Variants in SPAG16 observed in about 807,000 individuals in gnomAD.
SPAG16 encodes the protein sperm associated antigen 16, also known as sperm-associated antigen 16 protein.
SPAG16 carries 86 observed loss-of-function variants against 80.4 expected under a neutral mutation model. The ratio of observed to expected loss-of-function variants is 1.07; its 90% confidence interval spans 0.90 to 1.28. SPAG16 has a LOEUF of 1.28. SPAG16 is among the 50% of genes most tolerant of loss of function. SPAG16 has a pLI of 0.00. For synonymous variants in SPAG16, 294 were observed against 265.9 expected, an observed-to-expected ratio of 1.11 and a Z score of -1.03; for missense variants, 870 against 765.3, an observed-to-expected ratio of 1.14 and a Z score of -1.61.
chr2:214,117,642 A>G (rs1169239469), intron 14 of SPAG16, among the ~76,000 whole-genome samples: 1 of 152,222 alleles, frequency 6.6e-6, no homozygotes, highest in Non-Finnish European at 1.5e-5. Context: ...CAGCACATCG[A>G]AAAGATCATT....
At chr2:213,566,620 C>A (rs1432371196) in intron 10 of SPAG16, among the ~76,000 whole-genome samples, 1 of 152,178 alleles carries the variant, frequency 6.6e-6, no homozygotes, top group Non-Finnish European at 1.5e-5. Context: ...GCTCACTGTG[C>A]AACATCTGGT....
At chr2:213,514,013 G>A (rs148222477) in intron 10 of SPAG16, among the ~76,000 whole-genome samples, 135 of 152,156 alleles carry the variant, frequency 8.9e-4, no homozygotes, top group Admixed American at 1.6e-3. Context: ...AGGAAGGAGC[G>A]GTAAATAGAT....
intron 9 of SPAG16, among the ~76,000 whole-genome samples, chr2:213,409,366 A>G (rs1013295803): frequency 6.6e-6 from 1 of 152,180 alleles, no homozygotes; most frequent in Non-Finnish European, 1.5e-5. Context: ...AAGAATGTGG[A>G]TTTTTACCTA....
intron 10 of SPAG16, among the ~76,000 whole-genome samples, chr2:213,514,149 G>T (rs2075335909): frequency 6.6e-6 from 1 of 152,128 alleles, no homozygotes; most frequent in Admixed American, 6.5e-5. Flanking sequence ...GCTAATTTTA[G>T]AAATTAGATG....
intron 15 of SPAG16, among the ~76,000 whole-genome samples, chr2:214,339,683 A>G (rs1209045372): frequency 1.3e-5 from 2 of 152,218 alleles, no homozygotes; most frequent in Admixed American, 6.5e-5. Context: ...TAAACTTCTC[A>G]ATATAAATTT....
intron 15 of SPAG16, among the ~76,000 whole-genome samples, chr2:214,334,799 A>G (rs1010769699): frequency 1.8e-4 from 28 of 152,316 alleles, no homozygotes; most frequent in African/African-American, 6.5e-4. Context: ...ACAATTGCAA[A>G]GCTTCAACAT....
rs561406047 is a variant in SPAG16, at chr2:213,288,151, C to T, written c.136+3532C>T. On this transcript the variant is annotated intron_variant, in intron 1 of 15. Transcript: ENST00000331683. Reference sequence around the variant, plus strand: ...CAGATTGGTCTCGAACTCCTGTGCTCAAGGCATCCTACTGCCTTGGCCTCC... The same window carrying T: ...CAGATTGGTCTCGAACTCCTGTGCTTAAGGCATCCTACTGCCTTGGCCTCC... Among the ~76,000 whole-genome samples, 359 of 152,222 alleles carry T rather than the reference C, an allele frequency of 2.4e-3. 1 individual carries two copies. In the South Asian group the frequency reaches 0.026, roughly 11 times the overall value.
intron 10 of SPAG16, among the ~76,000 whole-genome samples, chr2:213,764,793 T>G (rs1420083930): frequency 1.3e-5 from 2 of 152,210 alleles, no homozygotes; most frequent in Non-Finnish European, 2.9e-5. Flanking sequence ...ATATGAAGTA[T>G]GTAATATATT....
chr2:214,139,830 C>T (rs1177062956), intron 14 of SPAG16, among the ~76,000 whole-genome samples: 3 of 152,136 alleles, frequency 2.0e-5, no homozygotes, highest in Admixed American at 6.6e-5. Flanking sequence ...TCTAGCATAG[C>T]GTCACATGAC....
At chr2:213,981,492 T>C (rs1407373081) in intron 12 of SPAG16, among the ~76,000 whole-genome samples, 1 of 152,128 alleles carries the variant, frequency 6.6e-6, no homozygotes, top group African/African-American at 2.4e-5. Flanking sequence ...AATATGGAGT[T>C]TCATTATTGC....
chr2:213,364,671 G>A (rs753324378), intron 8 of SPAG16: 1 of 152,158 alleles, frequency 6.6e-6, no homozygotes, highest in South Asian at 2.1e-4. Flanking sequence ...AAAGACACCA[G>A]AGAAGAGAGC....
rs568225114 is a variant in SPAG16, at chr2:213,982,159, G to A, written c.1401-31792G>A. On this transcript the variant is annotated intron_variant, in intron 12 of 15. Transcript: ENST00000331683. ...TACATTCAATTTGTATTCAATTTGCGACAATTTAAAAGTTATTAACCTATA... is the reference window on the plus strand; with the variant it reads ...TACATTCAATTTGTATTCAATTTGCAACAATTTAAAAGTTATTAACCTATA... Among the ~76,000 whole-genome samples the A allele has an allele frequency of 1.6e-4, 24 of 149,294 alleles. No homozygotes were observed. In the South Asian group the frequency reaches 2.5e-3, roughly 16 times the overall value.
At chr2:213,968,663 C>T (rs746698900) in intron 12 of SPAG16, among the ~76,000 whole-genome samples, 14 of 152,216 alleles carry the variant, frequency 9.2e-5, no homozygotes, top group Non-Finnish European at 1.5e-4. Flanking sequence ...GCAAATTTGA[C>T]GTAAAAAGTC....
chr2:214,037,140 G>A (rs2048739282), intron 13 of SPAG16, among the ~76,000 whole-genome samples: 1 of 151,618 alleles, frequency 6.6e-6, no homozygotes, highest in Admixed American at 6.6e-5. Context: ...AATGTTTGAG[G>A]TTATAGGGTT....
At chr2:213,580,999 C>T (rs2060280634) in intron 10 of SPAG16, among the ~76,000 whole-genome samples, 1 of 151,900 alleles carries the variant, frequency 6.6e-6, no homozygotes, top group Non-Finnish European at 1.5e-5. Context: ...AATAAGATCC[C>T]TTCTAATTCA....
chr2:214,390,341 T>TAA (rs756833750), intron 15 of SPAG16, among the ~76,000 whole-genome samples: 13,467 of 125,066 alleles, frequency 0.11, 888 homozygotes, highest in Middle Eastern at 0.2. Flanking sequence ...CTTTTTTTTT[T>TAA]AAAAAAAAAA....
intron 11 of SPAG16, among the ~76,000 whole-genome samples, chr2:213,895,937 TGAAAA>T (rs2076975960): frequency 1.3e-5 from 2 of 150,958 alleles, no homozygotes; most frequent in East Asian, 3.9e-4. Context: ...TAAAAAAAAA[TGAAAA>T]GAAAAACCAG....
At chr2:213,719,661 G>A (rs1000614885) in intron 10 of SPAG16, among the ~76,000 whole-genome samples, 3 of 152,146 alleles carry the variant, frequency 2.0e-5, no homozygotes, top group East Asian at 1.9e-4. Flanking sequence ...TAGTTAGATC[G>A]GCAATCATTA....
intron 9 of SPAG16, among the ~76,000 whole-genome samples, chr2:213,394,794 G>A (rs575053821): frequency 6.6e-6 from 1 of 152,312 alleles, no homozygotes; most frequent in South Asian, 2.1e-4. Context: ...AAATTGCTGA[G>A]TAGTTGTTGA....
Sources: gnomAD v4.1 joint callset for allele counts (sites outside exome capture counted in the v4.1 genomes callset) on GRCh38, gnomAD v4.1.1 for gene constraint, MANE v1.5 for transcripts, NCBI Gene and HGNC (gene_info 2026-07-23, HGNC 2026-07-21) for gene names.